UST: variants seen among roughly 807,000 people sequenced by gnomAD.
UST encodes the protein chondroitin sulfate 2-O-sulfotransferase.
Under a neutral mutation model 45.6 loss-of-function variants are expected in UST, and 21 were observed. That is an observed-to-expected ratio of 0.46 (90% CI 0.33 to 0.66). UST has a LOEUF of 0.66. Among genes scored for constraint, UST ranks in the 30% least tolerant of loss-of-function variants. The pLI is 0.02. For missense variants in UST, 463 were observed against 512.4 expected (o/e 0.90, Z 0.93); for synonymous variants, 215 against 200.6 (o/e 1.07, Z -0.61).
intron 1 of UST, among the ~76,000 whole-genome samples, chr6:148,867,954 A>G (rs917370581): frequency 6.6e-6 from 1 of 152,204 alleles, no homozygotes; most frequent in Non-Finnish European, 1.5e-5. Context: ...TTGGAAGATC[A>G]TCCTGTGCCT....
rs540642460 is a variant in UST at position 148,970,743 on chromosome 6, G to C, written c.681+6180G>C. 1.4e-4 allele frequency among the ~76,000 whole-genome samples: 21 copies of C among 152,284 alleles called. No individual in the cohort carries two copies. In the East Asian group the frequency reaches 3.7e-3, roughly 27 times the overall value. On this transcript the variant is annotated intron_variant, in intron 5 of 7. Coordinates refer to ENST00000367463, the MANE Select transcript of UST (RefSeq NM_005715.3). ...AGTGTCAGTGCCCAGGCTGCCCAGG[G>C]GTTCTCAGTTCTCTTCAGCCATCTT... is the stretch of plus-strand genomic sequence containing the variant.
chr6:148,901,766 C>G (rs1779263408), intron 2 of UST, among the ~76,000 whole-genome samples: 2 of 152,120 alleles, frequency 1.3e-5, no homozygotes, highest in African/African-American at 4.8e-5. Flanking sequence ...GCCATGTTGG[C>G]CAGGCTGGTC....
intron 2 of UST, among the ~76,000 whole-genome samples, chr6:148,898,695 C>T (rs900474): frequency 0.94 from 142,678 of 152,324 alleles, 66,964 homozygotes; most frequent in Non-Finnish European, 0.96. Flanking sequence ...TTTCATTTTT[C>T]TAATTAAAAA....
chr6:148,815,159 G>A (rs977749645), intron 1 of UST, among the ~76,000 whole-genome samples: 8 of 152,216 alleles, frequency 5.3e-5, no homozygotes, highest in African/African-American at 1.7e-4. Flanking sequence ...ACAAAGTAGA[G>A]CATATACATG....
At chr6:148,913,784 A>G (rs1041406377) in intron 2 of UST, among the ~76,000 whole-genome samples, 21 of 152,230 alleles carry the variant, frequency 1.4e-4, no homozygotes, top group African/African-American at 5.1e-4. Context: ...AGAAAATATA[A>G]GAGTTTTATT....
intron 1 of UST, among the ~76,000 whole-genome samples, chr6:148,764,049 A>T (rs1776272749): frequency 1.3e-5 from 2 of 152,190 alleles, no homozygotes; most frequent in African/African-American, 4.8e-5. Flanking sequence ...CGGTAATTTG[A>T]TAGGAATTGC....
chr6:148,763,041 A>G (rs1028554059), intron 1 of UST, among the ~76,000 whole-genome samples: 5 of 152,196 alleles, frequency 3.3e-5, no homozygotes, highest in African/African-American at 1.2e-4. Context: ...GCTGGGTCGA[A>G]TGGTAGTTCG....
intron 1 of UST, among the ~76,000 whole-genome samples, chr6:148,844,740 G>C (rs1777952281): frequency 6.6e-6 from 1 of 152,194 alleles, no homozygotes; most frequent in Non-Finnish European, 1.5e-5. Flanking sequence ...CCCAAGTAGT[G>C]AGCATAGTAC....
rs745426149 is a variant in UST, at chr6:149,062,115, T to G, written c.938-11718T>G. Among the ~76,000 whole-genome samples, 4 of 152,232 alleles carry G rather than the reference T, an allele frequency of 2.6e-5. No individual in the cohort carries two copies. The South Asian group carries it at 8.3e-4, about 31-fold the overall frequency. ...ATTTGTGTTTGTGGTGAACCTTCCT[T>G]ATCATGGCATGTCTTAAGCTTGGCT... On this transcript the variant is annotated intron_variant, in intron 7 of 7. Coordinates refer to ENST00000367463, the MANE Select transcript of UST (RefSeq NM_005715.3).
intron 2 of UST, among the ~76,000 whole-genome samples, chr6:148,911,671 A>T (rs1159389913): frequency 6.6e-6 from 1 of 152,174 alleles, no homozygotes; most frequent in Non-Finnish European, 1.5e-5. Context: ...ATGAAAATTT[A>T]GAAGCTAAAA....
intron 3 of UST, among the ~76,000 whole-genome samples, chr6:148,946,696 C>T (rs1780245831): frequency 6.7e-6 from 1 of 148,988 alleles, no homozygotes; most frequent in Non-Finnish European, 1.5e-5. Flanking sequence ...TGCCTGTAGT[C>T]CCAACTACTT....
In UST at chr6:148,964,700, G is replaced by A. The variant is rs147940173; in HGVS notation, c.681+137G>A. On this transcript the variant is annotated intron_variant, in intron 5 of 7. Coordinates refer to ENST00000367463, the MANE Select transcript of UST (RefSeq NM_005715.3). ...AGCGTGGCGCAGAGAGGGTGCTTCC[G>A]CAGGAAGGAGGTCTTGGCGAGAGAA... is the stretch of plus-strand genomic sequence containing the variant. The A allele has an allele frequency of 8.2e-4, 913 of 1,107,404 alleles. No homozygotes were observed. The African/African-American group carries it at 0.012, about 15-fold the overall frequency. The allele number at this position is 1,107,404 out of a possible 1,614,324, so 68.6% of individuals were successfully genotyped here. A position where few individuals can be genotyped will look rare whatever the true frequency, so the allele number is the denominator to read the frequency against.
intron 2 of UST, among the ~76,000 whole-genome samples, chr6:148,932,463 C>G (rs573709320): frequency 6.6e-6 from 1 of 152,302 alleles, no homozygotes; most frequent in African/African-American, 2.4e-5. Flanking sequence ...GTACTGACCA[C>G]AGAAGCTTAA....
intron 1 of UST, among the ~76,000 whole-genome samples, chr6:148,765,755 G>C (rs541350749): frequency 6.6e-6 from 1 of 152,142 alleles, no homozygotes; most frequent in South Asian, 2.1e-4. Flanking sequence ...GTATTAATTT[G>C]GGGAACTAAT....
chr6:148,802,111 C>A (rs932766929), intron 1 of UST, among the ~76,000 whole-genome samples: 1 of 152,206 alleles, frequency 6.6e-6, no homozygotes, highest in African/African-American at 2.4e-5. Flanking sequence ...CTGCCCAAGT[C>A]CCCATGCGGG....
chr6:148,979,171 T>C (rs1223696507), intron 5 of UST, among the ~76,000 whole-genome samples: 1 of 152,186 alleles, frequency 6.6e-6, no homozygotes, highest in Non-Finnish European at 1.5e-5. Flanking sequence ...TAAATTCAAG[T>C]GTGTCCTTTC....
chr6:148,764,454 C>G (rs1776279923), intron 1 of UST, among the ~76,000 whole-genome samples: 1 of 152,132 alleles, frequency 6.6e-6, no homozygotes, highest in African/African-American at 2.4e-5. Context: ...ATTTGACTTC[C>G]TCTTTTCTAA....
intron 1 of UST, among the ~76,000 whole-genome samples, chr6:148,821,898 C>T (rs1246395758): frequency 5.9e-5 from 9 of 152,184 alleles, no homozygotes. Context: ...TTTTGATGCT[C>T]AAGTTTTCCC....
chr6:148,841,591 T>TG (rs1181869119), intron 1 of UST, among the ~76,000 whole-genome samples: 9 of 151,902 alleles, frequency 5.9e-5, no homozygotes, highest in East Asian at 1.9e-4. Context: ...GTTTTTGTTT[T>TG]TTTTTTCTGT....
Sources: gnomAD v4.1 joint callset for allele counts (sites outside exome capture counted in the v4.1 genomes callset) on GRCh38, gnomAD v4.1.1 for gene constraint, MANE v1.5 for transcripts, NCBI Gene and HGNC (gene_info 2026-07-23, HGNC 2026-07-21) for gene names.